Variants in ARHGAP23 observed in about 807,000 individuals in gnomAD.
The protein encoded by ARHGAP23 is rho GTPase-activating protein 23.
A neutral mutation model predicts 136.3 loss-of-function variants in ARHGAP23; 34 were observed. That is an observed-to-expected ratio of 0.25 (90% confidence interval 0.19 to 0.33). ARHGAP23 has a LOEUF of 0.33. Among genes scored for constraint, ARHGAP23 ranks in the 10% least tolerant of loss-of-function variants. ARHGAP23 has a pLI of 1.00. For synonymous variants in ARHGAP23, 832 were observed against 920.5 expected (o/e 0.90, Z 1.74); for missense variants, 1,808 against 2,139.0 (o/e 0.85, Z 3.05).
In ARHGAP23 at chr17:38,466,622, C is replaced by A. The variant is rs1466184470; in HGVS notation, c.939C>A (p.Arg313=). Reference sequence around the variant, plus strand: ...GCCCAGCCATGGCCCCCCGGGCCCGCAGCGCCTCCCAGGACCGGTTGGAGG... The same window carrying A: ...GCCCAGCCATGGCCCCCCGGGCCCGAAGCGCCTCCCAGGACCGGTTGGAGG... ...RRCPAMAPRA[R]SASQDRLEEV... is the part of the protein sequence containing the mutation. The change falls in exon 7 of 24, where the codon CGC becomes CGA. Residue 313 remains arginine (R), a synonymous_variant. Transcript: ENST00000622683. The A allele has an allele frequency of 2.6e-6, 4 of 1,516,100 alleles. No homozygotes were observed. The African/African-American group carries it at 4.1e-5, about 16-fold the overall frequency. 93.9% of individuals were successfully genotyped at this position (1,516,100 alleles called of 1,614,324 possible). A position where few individuals can be genotyped will look rare whatever the true frequency, so the allele number is the denominator to read the frequency against.
In ARHGAP23 at chr17:38,510,383, G is replaced by C; in HGVS notation, c.3887G>C (p.Gly1296Ala). Reference sequence around the variant, plus strand: ...GACACTGAGGGCGCGGCGGGCGCGGGGCCTGGGGGGCGCCTGACACGCCGG... The same window carrying C: ...GACACTGAGGGCGCGGCGGGCGCGGCGCCTGGGGGGCGCCTGACACGCCGG... ...ETDTEGAAGAGPGGRLTRRPS... is the reference protein window; with the variant it reads ...ETDTEGAAGAAPGGRLTRRPS... Residue 1296 changes from glycine (G) to alanine (A), a missense_variant, in exon 24 of 24, where the codon GGG becomes GCG. Transcript: ENST00000622683. This position sits in a 1 kb window ranked among gnomAD's most constrained non-coding sequence, Gnocchi z 4.6. The C allele has an allele frequency of 8.0e-7, 1 of 1,243,362 alleles. No homozygotes were observed. The highest frequency in any genetic ancestry group is 1.0e-6 in the Non-Finnish European group (1 of 995,060). The allele number at this position is 1,243,362 out of a possible 1,614,324, so 77.0% of individuals were successfully genotyped here.
At chr17:38,427,937 C>T (rs1416338197), upstream of ARHGAP23, among the ~76,000 whole-genome samples, 1 of 152,294 alleles carries the variant, frequency 6.6e-6, no homozygotes, top group South Asian at 2.1e-4. Context: ...TGTCTTCCCC[C>T]CTTTCTGATC....
At chr17:38,440,810 G>A (rs1017187759) in intron 1 of ARHGAP23, among the ~76,000 whole-genome samples, 5 of 152,200 alleles carry the variant, frequency 3.3e-5, no homozygotes, top group African/African-American at 9.6e-5. Flanking sequence ...TCTAGAGGCC[G>A]GGACTGGGGA....
At chr17:38,425,729 A>G (rs977407251), upstream of ARHGAP23, among the ~76,000 whole-genome samples, 1 of 152,138 alleles carries the variant, frequency 6.6e-6, no homozygotes, top group African/African-American at 2.4e-5. Context: ...GGCAGGATGC[A>G]TGGAGTGAGA....
chr17:38,433,207 C>T (rs1189496180), intron 1 of ARHGAP23, among the ~76,000 whole-genome samples: 1 of 152,138 alleles, frequency 6.6e-6, no homozygotes, highest in East Asian at 1.9e-4. Flanking sequence ...GTGATCCTCC[C>T]ACTTTGGCCT....
upstream of ARHGAP23, among the ~76,000 whole-genome samples, chr17:38,423,712 G>A (rs2038542956): frequency 6.6e-6 from 1 of 152,044 alleles, no homozygotes; most frequent in South Asian, 2.1e-4. Context: ...GGCCCCTCTC[G>A]CTTTGGAGAT....
At chr17:38,489,871 C>T (rs1011915826) in intron 17 of ARHGAP23, 7 of 532,290 alleles carry the variant, frequency 1.3e-5, no homozygotes, top group African/African-American at 1.1e-4. Context: ...CCCAAATGAA[C>T]ACAGCTGGGC....
intron 17 of ARHGAP23, 28 bp from the exon 18 acceptor site, chr17:38,490,074 T>C: frequency 1.3e-6 from 2 of 1,550,348 alleles, no homozygotes; most frequent in Non-Finnish European, 1.7e-6. Context: ...TGCCCCCACC[T>C]CTCTAAAGAG....
chr17:38,484,432 C>T (rs1031099859), intron 16 of ARHGAP23, among the ~76,000 whole-genome samples: 2 of 152,046 alleles, frequency 1.3e-5, no homozygotes, highest in Non-Finnish European at 2.9e-5. Context: ...TATATTGAGC[C>T]TGGACTAGAG....
chr17:38,445,303 TAAAAAAAAAAA>T (rs61636599), intron 1 of ARHGAP23, among the ~76,000 whole-genome samples: 1 of 111,588 alleles, frequency 9.0e-6, no homozygotes, highest in East Asian at 2.7e-4. Context: ...TGTCTCTACT[TAAAAAAAAAAA>T]AAAAAAAAAA....
intron 1 of ARHGAP23, among the ~76,000 whole-genome samples, chr17:38,456,694 C>T (rs57135826): frequency 0.052 from 7,927 of 152,242 alleles, 705 homozygotes; most frequent in African/African-American, 0.18. Flanking sequence ...AGTTGGGCTC[C>T]GTGAGCACCC....
chr17:38,503,591 C>T (rs1159733143), intron 23 of ARHGAP23, among the ~76,000 whole-genome samples: 3 of 152,154 alleles, frequency 2.0e-5, no homozygotes, highest in African/African-American at 4.8e-5. Flanking sequence ...GTGACCCCAC[C>T]GTGTCTCCAG....
chr17:38,499,766 CAG>C (rs2040480876), intron 22 of ARHGAP23, among the ~76,000 whole-genome samples: 1 of 152,168 alleles, frequency 6.6e-6, no homozygotes, highest in Admixed American at 6.5e-5. Context: ...ACTTGCCTGC[CAG>C]AGAGTGTGGA....
intron 22 of ARHGAP23, among the ~76,000 whole-genome samples, chr17:38,499,983 A>G (rs961423666): frequency 1.3e-5 from 2 of 152,242 alleles, no homozygotes; most frequent in African/African-American, 4.8e-5. Context: ...GACCCTGCCC[A>G]TGAGGCAGGG....
At chr17:38,457,305 G>A (rs1462577072) in intron 1 of ARHGAP23, 1 of 152,748 alleles carries the variant, frequency 6.5e-6, no homozygotes, top group African/African-American at 2.4e-5. Flanking sequence ...CCTCTGGGCT[G>A]GGCTCTGGAG....
At chr17:38,421,467 C>T (rs1194768975) in intron 1 of ARHGAP23, among the ~76,000 whole-genome samples, 4 of 152,326 alleles carry the variant, frequency 2.6e-5, no homozygotes, top group East Asian at 1.9e-4. Context: ...GTATGGAGTG[C>T]GTCTGAAATC....
chr17:38,507,977 C>G (rs950726561), intron 23 of ARHGAP23, among the ~76,000 whole-genome samples: 4 of 152,212 alleles, frequency 2.6e-5, no homozygotes, highest in Non-Finnish European at 5.9e-5. Flanking sequence ...TCATTCCAGC[C>G]CAAGACAGGA....
chr17:38,504,804 A>C (rs184777197), intron 23 of ARHGAP23, among the ~76,000 whole-genome samples: 1 of 152,058 alleles, frequency 6.6e-6, no homozygotes, highest in Non-Finnish European at 1.5e-5. Context: ...GGCTGTGTCC[A>C]GGACACCCAG....
intron 1 of ARHGAP23, among the ~76,000 whole-genome samples, chr17:38,433,777 A>G (rs894123403): frequency 6.6e-6 from 1 of 152,098 alleles, no homozygotes; most frequent in African/African-American, 2.4e-5. Flanking sequence ...GGCTGCCTGG[A>G]GGAGGCCTGC....
Sources: allele counts gnomAD v4.1 joint callset (sites outside exome capture counted in the v4.1 genomes callset), GRCh38; gene constraint gnomAD v4.1.1; non-coding constraint Gnocchi (gnomAD v3.1); transcripts MANE v1.5; gene names NCBI Gene and HGNC (gene_info 2026-07-23, HGNC 2026-07-21).